The following KCNQ1OT1 variants were observed in gnomAD, a reference collection of about 807,000 sequenced individuals.
The protein encoded by KCNQ1OT1 is KCNQ1 opposite strand/antisense transcript 1.
Position 2,620,199 on chromosome 11 carries a change from G to GTATATATATATA in KCNQ1OT1, n.79784_79795dup, listed in dbSNP as rs140322945. 41 of 295,360 alleles carry GTATATATATATA rather than the reference G, an allele frequency of 1.4e-4. No homozygotes were observed. The highest frequency in any genetic ancestry group is 1.3e-3 in the African/African-American group (39 of 30,702). 18.3% of individuals were successfully genotyped at this position (295,360 alleles called of 1,614,324 possible). ...CTGCAAAGGACGTAAGTTCATTCAT[G>GTATATATATATA]TATATATATATATTTTTTTTTTTTA... On this transcript the variant is annotated non_coding_transcript_exon_variant, in exon 1 of 1. Coordinates refer to ENST00000597346, the Ensembl canonical transcript of KCNQ1OT1. The surrounding 1 kb of genome is among the most constrained non-coding windows in gnomAD (Gnocchi z 4.5).
At chr11:2,697,386 T>C in exon 1 of KCNQ1OT1, 1 of 398,640 alleles carries the variant, frequency 2.5e-6, no homozygotes, top group Admixed American at 4.4e-5. Flanking sequence ...CCCATTTCTT[T>C]TTCTTGTATT....
At position 2,673,507 on chromosome 11, in the gene KCNQ1OT1, T is replaced by C. The variant is rs1433668096; in HGVS notation, n.26488A>G. The C allele has an allele frequency of 2.5e-6, 1 of 398,644 alleles. No individual in the cohort carries two copies. Among genetic ancestry groups the C allele is most frequent in the Middle Eastern group, 6.3e-4 (1 of 1,588 alleles). 24.7% of individuals were successfully genotyped at this position (398,644 alleles called of 1,614,324 possible). A position where few individuals can be genotyped will look rare whatever the true frequency, so the allele number is the denominator to read the frequency against. On this transcript the variant is annotated non_coding_transcript_exon_variant, in exon 1 of 1. Coordinates refer to ENST00000597346, the Ensembl canonical transcript of KCNQ1OT1. The surrounding 1 kb of genome is among the most constrained non-coding windows in gnomAD (Gnocchi z 4.5). ...ACTCCTGCTCATCACAACCACTTGT[T>C]GATGCTGACAGCCTGTAGAAAGATT...
chr11:2,684,393 A>T, exon 1 of KCNQ1OT1: 1 of 398,684 alleles, frequency 2.5e-6, no homozygotes, highest in Non-Finnish European at 4.4e-6. Flanking sequence ...AGTGGGGTCC[A>T]TCCCCCTGAT....
exon 1 of KCNQ1OT1, chr11:2,609,569 GTTTCCTTATTGATCTTC>G (rs71029150): frequency 0.18 from 72,458 of 398,170 alleles, 6,851 homozygotes; most frequent in South Asian, 0.26. Context: ...CATATCTTCT[GTTTCCTTATTGATCTTC>G]TTTCTTGTAC....
rs1180450578 is a variant in KCNQ1OT1, at chr11:2,608,668, T to C, written n.91327A>G. On this transcript the variant is annotated non_coding_transcript_exon_variant, in exon 1 of 1. Coordinates refer to ENST00000597346, the Ensembl canonical transcript of KCNQ1OT1. This position sits in a 1 kb window ranked among gnomAD's most constrained non-coding sequence, Gnocchi z 4.6. Reference sequence around the variant, plus strand: ...TTGTAGAGATAGGGTCTTGCTTTGTTGTGCATGCTATTCTTGAACTCCTGG... The same window carrying C: ...TTGTAGAGATAGGGTCTTGCTTTGTCGTGCATGCTATTCTTGAACTCCTGG... The C allele has an allele frequency of 2.8e-5, 11 of 398,494 alleles. No homozygotes were observed. The highest frequency in any genetic ancestry group is 4.4e-6 in the Non-Finnish European group (1 of 226,086). 24.7% of individuals were successfully genotyped at this position (398,494 alleles called of 1,614,324 possible). A position where few individuals can be genotyped will look rare whatever the true frequency, so the allele number is the denominator to read the frequency against.
At position 2,627,175 on chromosome 11, in the gene KCNQ1OT1, C is replaced by A. The variant is rs900610522; in HGVS notation, n.72820G>T. ...GTTCCTAAGTTTGTTATTCTTGATG[C>A]TTTTTTCAGCTTTTATTGAGGTATA... On this transcript the variant is annotated non_coding_transcript_exon_variant, in exon 1 of 1. Coordinates refer to ENST00000597346, the Ensembl canonical transcript of KCNQ1OT1. This position sits in a 1 kb window ranked among gnomAD's most constrained non-coding sequence, Gnocchi z 4.9. 3 of 398,414 alleles carry A rather than the reference C, an allele frequency of 7.5e-6. No individual in the cohort carries two copies. Among genetic ancestry groups the A allele is most frequent in the African/African-American group, 2.1e-5 (1 of 48,704 alleles). The allele number at this position is 398,414 out of a possible 1,614,324, so 24.7% of individuals were successfully genotyped here. A position where few individuals can be genotyped will look rare whatever the true frequency, so the allele number is the denominator to read the frequency against.
exon 1 of KCNQ1OT1, chr11:2,622,879 A>T (rs1849198283): frequency 2.5e-6 from 1 of 398,530 alleles, no homozygotes; most frequent in Non-Finnish European, 4.4e-6. Flanking sequence ...CTGCATTTAC[A>T]CATTATTATC....
exon 1 of KCNQ1OT1, chr11:2,625,095 C>A (rs1359629782): frequency 5.0e-6 from 2 of 398,560 alleles, no homozygotes; most frequent in Non-Finnish European, 8.8e-6. Flanking sequence ...TGGGTGTATA[C>A]ACAGAGGTGG....
rs1850326014 is a variant in KCNQ1OT1, at chr11:2,678,163, A to G, written n.21832T>C. The G allele has an allele frequency of 2.5e-6, 1 of 398,230 alleles. No individual in the cohort carries two copies. Among genetic ancestry groups the G allele is most frequent in the Non-Finnish European group, 4.4e-6 (1 of 225,934 alleles). 24.7% of individuals were successfully genotyped at this position (398,230 alleles called of 1,614,324 possible). Reference sequence around the variant, plus strand: ...TTCCTTAGGTGTTTTGGCTTTTTCTATAATATTTTTCTGGTGGCAGAATTT... The same window carrying G: ...TTCCTTAGGTGTTTTGGCTTTTTCTGTAATATTTTTCTGGTGGCAGAATTT... On this transcript the variant is annotated non_coding_transcript_exon_variant, in exon 1 of 1. Transcript: ENST00000597346. The surrounding 1 kb of genome is among the most constrained non-coding windows in gnomAD (Gnocchi z 4.9).
In KCNQ1OT1 at chr11:2,694,657, C is replaced by T. The variant is rs1349909972; in HGVS notation, n.5338G>A. The T allele has an allele frequency of 1.0e-5, 4 of 398,514 alleles. No individual in the cohort carries two copies. In the Admixed American group the frequency reaches 1.8e-4, roughly 18 times the overall value. 24.7% of individuals were successfully genotyped at this position (398,514 alleles called of 1,614,324 possible). ...CAACAGAAATCTGTGACACACCCAC[C>T]ATGTGCGGACCCTATACGGAAGACA... On this transcript the variant is annotated non_coding_transcript_exon_variant, in exon 1 of 1. Coordinates refer to ENST00000597346, the Ensembl canonical transcript of KCNQ1OT1.
In KCNQ1OT1 at chr11:2,673,372, A is replaced by G; in HGVS notation, n.26623T>C. On this transcript the variant is annotated non_coding_transcript_exon_variant, in exon 1 of 1. Transcript: ENST00000597346. The surrounding 1 kb of genome is among the most constrained non-coding windows in gnomAD (Gnocchi z 4.5). ...AGCAAACAAAGGGAAGTGACAGAGC[A>G]GAGCTCCCCTTGGCCTTTGTTTAGC... is the stretch of plus-strand genomic sequence containing the variant. 2.5e-6 allele frequency: 1 copy of G among 398,726 alleles called. No individual in the cohort carries two copies. The highest frequency in any genetic ancestry group is 4.4e-6 in the Non-Finnish European group (1 of 226,096). The allele number at this position is 398,726 out of a possible 1,614,324, so 24.7% of individuals were successfully genotyped here. A position where few individuals can be genotyped will look rare whatever the true frequency, so the allele number is the denominator to read the frequency against.
Position 2,620,812 on chromosome 11 carries a change from G to C in KCNQ1OT1, n.79183C>G, listed in dbSNP as rs1326334319. 1 of 398,452 alleles carries C rather than the reference G, an allele frequency of 2.5e-6. No homozygotes were observed. The highest frequency in any genetic ancestry group is 4.4e-6 in the Non-Finnish European group (1 of 226,068). The allele number at this position is 398,452 out of a possible 1,614,324, so 24.7% of individuals were successfully genotyped here. A position where few individuals can be genotyped will look rare whatever the true frequency, so the allele number is the denominator to read the frequency against. On this transcript the variant is annotated non_coding_transcript_exon_variant, in exon 1 of 1. Coordinates refer to ENST00000597346, the Ensembl canonical transcript of KCNQ1OT1. The surrounding 1 kb of genome is among the most constrained non-coding windows in gnomAD (Gnocchi z 4.5). ...ACTAATTTGTATTCCTGCCAACAGT[G>C]TATAAGCGTTCCCTTTTCTCTGCAG...
At chr11:2,619,405 CT>C (rs2133801683) in exon 1 of KCNQ1OT1, 1 of 398,526 alleles carries the variant, frequency 2.5e-6, no homozygotes, top group East Asian at 3.6e-5. Context: ...TCATCAAATA[CT>C]TTTTGTGTGT....
rs12288677 is a variant in KCNQ1OT1 at position 2,617,748 on chromosome 11, G to A, written n.82247C>T. 0.012 allele frequency: 4,655 copies of A among 398,360 alleles called. 119 individuals carry two copies. The highest frequency in any genetic ancestry group is 0.05 in the African/African-American group (2,434 of 48,690). 24.7% of individuals were successfully genotyped at this position (398,360 alleles called of 1,614,324 possible). A position where few individuals can be genotyped will look rare whatever the true frequency, so the allele number is the denominator to read the frequency against. On this transcript the variant is annotated non_coding_transcript_exon_variant, in exon 1 of 1. Coordinates refer to ENST00000597346, the Ensembl canonical transcript of KCNQ1OT1. This position sits in a 1 kb window ranked among gnomAD's most constrained non-coding sequence, Gnocchi z 4.6. ...ATTCTCATGAGTGTGAGGTGATATC[G>A]CATAGTAATTTTGATTTGCATTTCC...
In KCNQ1OT1 at chr11:2,653,560, C is replaced by T. The variant is rs765447104; in HGVS notation, n.46435G>A. 3 of 398,744 alleles carry T rather than the reference C, an allele frequency of 7.5e-6. No individual in the cohort carries two copies. The highest frequency in any genetic ancestry group is 1.3e-5 in the Non-Finnish European group (3 of 226,198). The allele number at this position is 398,744 out of a possible 1,614,324, so 24.7% of individuals were successfully genotyped here. ...CTCTTGCACTCCCCTTCTCCCTTCC[C>T]GTTCCCTCTTTTGTTCTCCCTTTCC... is the stretch of plus-strand genomic sequence containing the variant. On this transcript the variant is annotated non_coding_transcript_exon_variant, in exon 1 of 1. Transcript: ENST00000597346. This position sits in a 1 kb window ranked among gnomAD's most constrained non-coding sequence, Gnocchi z 5.3.
chr11:2,655,948 G>C (rs1423638987), exon 1 of KCNQ1OT1: 1 of 398,566 alleles, frequency 2.5e-6, no homozygotes, highest in Non-Finnish European at 4.4e-6. Context: ...TTCCTCTCTG[G>C]CAGGTGCAGG....
chr11:2,679,719 T>C lies in KCNQ1OT1; in HGVS notation n.20276A>G. The stretch of plus-strand genomic sequence containing the variant: ...TTTAAATCAGCCGTTCTCTGTATTC[T>C]TGTCCAGATGCTGTGGACAGTGATG... On this transcript the variant is annotated non_coding_transcript_exon_variant, in exon 1 of 1. Transcript: ENST00000597346. This position sits in a 1 kb window ranked among gnomAD's most constrained non-coding sequence, Gnocchi z 4.8. 1 of 398,602 alleles carries C rather than the reference T, an allele frequency of 2.5e-6. No homozygotes were observed. Among genetic ancestry groups the C allele is most frequent in the Non-Finnish European group, 4.4e-6 (1 of 226,058 alleles). The allele number at this position is 398,602 out of a possible 1,614,324, so 24.7% of individuals were successfully genotyped here. A position where few individuals can be genotyped will look rare whatever the true frequency, so the allele number is the denominator to read the frequency against.
chr11:2,629,764 T>C (rs1849322866), exon 1 of KCNQ1OT1: 2 of 398,412 alleles, frequency 5.0e-6, no homozygotes, highest in South Asian at 2.5e-4. Flanking sequence ...GACTTCTGAA[T>C]GCTGATTTTG....
In KCNQ1OT1 at chr11:2,691,913, TCTC is replaced by T; in HGVS notation, n.8079_8081del. On this transcript the variant is annotated non_coding_transcript_exon_variant, in exon 1 of 1. Transcript: ENST00000597346. This position sits in a 1 kb window ranked among gnomAD's most constrained non-coding sequence, Gnocchi z 6.4. ...GCCATCTTTCTGGCTCTATCCTCAG[TCTC>T]CTTGGCAGGTTTTCCCTTCTGGCAT... 2.5e-6 allele frequency: 1 copy of T among 398,692 alleles called. No individual in the cohort carries two copies. The highest frequency in any genetic ancestry group is 4.4e-6 in the Non-Finnish European group (1 of 226,186). 24.7% of individuals were successfully genotyped at this position (398,692 alleles called of 1,614,324 possible). A position where few individuals can be genotyped will look rare whatever the true frequency, so the allele number is the denominator to read the frequency against.
Sources: gnomAD v4.1 joint callset for allele counts on GRCh38, gnomAD v4.1.1 for gene constraint, Gnocchi (gnomAD v3.1) non-coding constraint, MANE v1.5 for transcripts, NCBI Gene and HGNC (gene_info 2026-07-23, HGNC 2026-07-21) for gene names.